The following SEMA5B variants were observed in gnomAD, a reference collection of about 807,000 sequenced individuals.
SEMA5B encodes semaphorin-5B.
SEMA5B carries 66 observed loss-of-function variants against 135.0 expected under a neutral mutation model. The ratio of observed to expected loss-of-function variants is 0.49; its 90% CI spans 0.40 to 0.60. SEMA5B has a LOEUF of 0.60. Among genes scored for constraint, SEMA5B ranks in the 20% least tolerant of loss-of-function variants. SEMA5B has a pLI of 0.00. For synonymous variants in SEMA5B, 690 were observed against 639.5 expected (o/e 1.08, Z -1.19); for missense variants, 1,501 against 1,566.3 (o/e 0.96, Z 0.70).
intron 1 of SEMA5B, among the ~76,000 whole-genome samples, chr3:122,977,696 T>C (rs1345528540): frequency 5.9e-5 from 9 of 152,152 alleles, no homozygotes; most frequent in Non-Finnish European, 4.4e-5. Flanking sequence ...CAAATTAACA[T>C]ATAAAATTAA....
intron 18 of SEMA5B, 66 bp from the exon 19 acceptor site, chr3:122,912,408 C>G: frequency 7.1e-7 from 1 of 1,416,182 alleles, no homozygotes; most frequent in Non-Finnish European, 9.4e-7. Flanking sequence ...TCTTCCATCC[C>G]ATACCAGCCC....
intron 1 of SEMA5B, among the ~76,000 whole-genome samples, chr3:122,989,884 G>A (rs556601802): frequency 5.9e-5 from 9 of 152,266 alleles, no homozygotes; most frequent in South Asian, 4.1e-4. Context: ...CTGATTCTGC[G>A]TAGTTAGGCA....
intron 1 of SEMA5B, among the ~76,000 whole-genome samples, chr3:122,971,212 T>C (rs1363234270): frequency 6.6e-6 from 1 of 152,240 alleles, no homozygotes; most frequent in African/African-American, 2.4e-5. Context: ...ATCTGGTTAA[T>C]GTCTGCAAAC....
intron 12 of SEMA5B, among the ~76,000 whole-genome samples, chr3:122,921,365 A>T (rs1242013752): frequency 6.6e-6 from 1 of 152,204 alleles, no homozygotes; most frequent in East Asian, 1.9e-4. Context: ...GGCATGAAGA[A>T]CCAAGTTCAG....
intron 1 of SEMA5B, among the ~76,000 whole-genome samples, chr3:123,015,560 G>A (rs1204487146): frequency 2.0e-5 from 3 of 152,210 alleles, no homozygotes; most frequent in African/African-American, 7.2e-5. Context: ...GCTGAACTGG[G>A]GAAGAGGTGG....
intron 1 of SEMA5B, chr3:122,975,908 C>T: frequency 6.7e-7 from 1 of 1,486,506 alleles, no homozygotes; most frequent in Non-Finnish European, 9.0e-7. Context: ...CTCAGACTCC[C>T]TCTCCTGCCC....
At chr3:122,978,655 G>T (rs1194604381) in intron 1 of SEMA5B, among the ~76,000 whole-genome samples, 1 of 152,132 alleles carries the variant, frequency 6.6e-6, no homozygotes, top group Non-Finnish European at 1.5e-5. Context: ...GTGATAGAAG[G>T]CTGGGAGCAG....
At chr3:123,001,714 C>T (rs1942179331) in intron 1 of SEMA5B, among the ~76,000 whole-genome samples, 3 of 152,198 alleles carry the variant, frequency 2.0e-5, no homozygotes, top group African/African-American at 7.2e-5. Context: ...GCGACACCTG[C>T]ATTCAGCCTC....
chr3:122,955,129 A>T, intron 2 of SEMA5B, among the ~76,000 whole-genome samples: 2 of 147,610 alleles, frequency 1.4e-5, no homozygotes, highest in African/African-American at 2.5e-5. Flanking sequence ...TTTTTTTTAG[A>T]CCGTGTCTCT....
chr3:122,969,577 C>T (rs1443144745), intron 1 of SEMA5B, among the ~76,000 whole-genome samples: 2 of 152,212 alleles, frequency 1.3e-5, no homozygotes, highest in African/African-American at 2.4e-5. Flanking sequence ...CCAATGAGAG[C>T]TCCCAGCTCC....
intron 1 of SEMA5B, among the ~76,000 whole-genome samples, chr3:122,968,373 A>T (rs983735203): frequency 9.2e-5 from 14 of 152,158 alleles, no homozygotes; most frequent in African/African-American, 3.1e-4. Context: ...CAAATCACCA[A>T]CCCCAGGCTC....
At position 122,932,563 on chromosome 3, in the gene SEMA5B, C is replaced by T. The variant is rs911620592; in HGVS notation, c.475-3505G>A. On this transcript the variant is annotated intron_variant, in intron 5 of 22. Transcript: ENST00000357599. ...TGATGACATCCCACGGGAATAAGGG[C>T]CAGAACTGCCTCATCATGGGAACAT... is the stretch of plus-strand genomic sequence containing the variant. Among the ~76,000 whole-genome samples the T allele has an allele frequency of 3.3e-5, 5 of 152,064 alleles. No individual in the cohort carries two copies. The East Asian group carries it at 9.6e-4, about 29-fold the overall frequency.
In SEMA5B at chr3:122,961,993, C is replaced by G. The variant is rs7632826; in HGVS notation, c.-38-692G>C. 9.5e-3 allele frequency among the ~76,000 whole-genome samples: 1,447 copies of G among 152,308 alleles called. 26 individuals are homozygous for G. The highest frequency in any genetic ancestry group is 0.063 in the South Asian group (305 of 4,830). ...TCTCTAACCCTTCTTCCGCTGTTGCCTCTCCCGTGGACCACAGCTGGGCAA... is the reference window on the plus strand; with the variant it reads ...TCTCTAACCCTTCTTCCGCTGTTGCGTCTCCCGTGGACCACAGCTGGGCAA... On this transcript the variant is annotated intron_variant, in intron 1 of 22. Transcript: ENST00000357599.
chr3:122,928,464 G>A (rs1576341631), intron 7 of SEMA5B, 53 bp downstream of exon 7: 2 of 1,424,398 alleles, frequency 1.4e-6, no homozygotes, highest in South Asian at 2.6e-5. Context: ...GCCTAGGCAG[G>A]AGAACCCCCG....
intron 5 of SEMA5B, among the ~76,000 whole-genome samples, chr3:122,930,146 T>C (rs776020238): frequency 1.1e-4 from 16 of 152,190 alleles, no homozygotes; most frequent in South Asian, 2.1e-4. Flanking sequence ...AGTCACTGCC[T>C]GCAGAGCCCC....
chr3:122,937,388 C>T (rs1269680200), intron 5 of SEMA5B, among the ~76,000 whole-genome samples: 2 of 152,242 alleles, frequency 1.3e-5, no homozygotes, highest in Non-Finnish European at 2.9e-5. Flanking sequence ...AGGCCAAGGT[C>T]TGCTCCAGGG....
At chr3:122,976,250 A>T (rs1941317029) in intron 1 of SEMA5B, 16 of 1,252,848 alleles carry the variant, frequency 1.3e-5, no homozygotes, top group Non-Finnish European at 1.7e-5. Flanking sequence ...TAAAATGCAA[A>T]TTCTCAGGCC....
intron 2 of SEMA5B, among the ~76,000 whole-genome samples, chr3:122,959,734 A>G (rs573342888): frequency 6.6e-6 from 1 of 152,348 alleles, no homozygotes; most frequent in South Asian, 2.1e-4. Flanking sequence ...GCCCTGCCTC[A>G]TAGAGTAGTA....
rs147156115 is a variant in SEMA5B at position 122,955,157 on chromosome 3, G to T, written c.124+5983C>A. Reference sequence around the variant, plus strand: ...GTGTCTCTAAAAAAACAAAGGACGTGACCTTTAGCCATATGCTAAGCTAGG... The same window carrying T: ...GTGTCTCTAAAAAAACAAAGGACGTTACCTTTAGCCATATGCTAAGCTAGG... On this transcript the variant is annotated intron_variant, in intron 2 of 22. Coordinates refer to ENST00000357599, the MANE Select transcript of SEMA5B (RefSeq NM_001031702.4). 3.3e-4 allele frequency among the ~76,000 whole-genome samples: 50 copies of T among 151,450 alleles called. No individual in the cohort carries two copies. The East Asian group carries it at 9.7e-3, about 29-fold the overall frequency.
Sources: gnomAD v4.1 joint callset for allele counts (sites outside exome capture counted in the v4.1 genomes callset) on GRCh38, gnomAD v4.1.1 for gene constraint, MANE v1.5 for transcripts, NCBI Gene and HGNC (gene_info 2026-07-23, HGNC 2026-07-21) for gene names.